The following CCNY variants were observed in gnomAD, a reference collection of about 807,000 sequenced individuals.
The protein encoded by CCNY is cyclin Y, also known as cyclin-Y.
In CCNY, 19 loss-of-function variants were observed where a neutral mutation model predicts 42.8. The ratio of observed to expected loss-of-function variants is 0.44; its 90% confidence interval spans 0.31 to 0.65. The LOEUF (loss-of-function observed/expected upper bound fraction) is 0.65, where lower values mean the gene tolerates loss of function less well. CCNY is among the 30% of genes least tolerant of loss of function. The pLI, the probability that CCNY is intolerant of heterozygous loss-of-function variation, is 0.07. For missense variants in CCNY, 370 were observed against 437.3 expected, an observed-to-expected ratio of 0.85 and a Z score of 1.37; for synonymous variants, 165 against 162.7, an observed-to-expected ratio of 1.01 and a Z score of -0.11.
intron 1 of CCNY, among the ~76,000 whole-genome samples, chr10:35,393,285 C>A (rs1837454013): frequency 6.6e-6 from 1 of 152,162 alleles, no homozygotes; most frequent in Admixed American, 6.5e-5. Context: ...ATGAGGCAAT[C>A]AAATAACAGT....
intron 3 of CCNY, among the ~76,000 whole-genome samples, chr10:35,321,312 C>T (rs1835819401): frequency 6.6e-6 from 1 of 152,214 alleles, no homozygotes; most frequent in Non-Finnish European, 1.5e-5. Flanking sequence ...CTATGAACTA[C>T]AAGACTAAAT....
At chr10:35,516,456 G>A (rs930133506) in intron 3 of CCNY, 67 bp from the exon 4 acceptor site, 5 of 1,033,392 alleles carry the variant, frequency 4.8e-6, no homozygotes, top group African/African-American at 1.6e-5. Flanking sequence ...TTAAGCGGGG[G>A]TGATGTTTCT....
rs879877771 is a variant in CCNY, at chr10:35,320,954, C to CA, written c.-9+70341dup. On this transcript the variant is annotated intron_variant, in intron 3 of 11. Transcript: ENST00000374706. ...TCCAGCCCGGGCAACACAGCAAGAC[C>CA]AAAAAAAAAAAAATTAGCTGGGTGT... 1,181 of 140,348 alleles carry CA rather than the reference C, an allele frequency of 8.4e-3. 15 individuals are homozygous for CA. Among genetic ancestry groups the CA allele is most frequent in the African/African-American group, 0.025 (976 of 38,478 alleles). The allele number at this position is 140,348 out of a possible 1,614,324, so 8.7% of individuals were successfully genotyped here. A position where few individuals can be genotyped will look rare whatever the true frequency, so the allele number is the denominator to read the frequency against.
chr10:35,341,087 A>C (rs1255420645), intron 1 of CCNY, among the ~76,000 whole-genome samples: 1 of 152,180 alleles, frequency 6.6e-6, no homozygotes, highest in African/African-American at 2.4e-5. Flanking sequence ...CCTTCACTCA[A>C]AAACGGCAGT....
At chr10:35,498,883 A>G (rs2135387854) in intron 2 of CCNY, among the ~76,000 whole-genome samples, 1 of 152,322 alleles carries the variant, frequency 6.6e-6, no homozygotes, top group Admixed American at 6.5e-5. Context: ...GAAATAGGGT[A>G]GTGTGTAGGT....
intron 1 of CCNY, among the ~76,000 whole-genome samples, chr10:35,344,421 G>A (rs1235752316): frequency 1.3e-5 from 2 of 152,250 alleles, no homozygotes; most frequent in South Asian, 2.1e-4. Flanking sequence ...GCTGGGCGCC[G>A]TGGCTCATGC....
At chr10:35,270,448 T>A (rs1835149365) in intron 3 of CCNY, among the ~76,000 whole-genome samples, 1 of 152,212 alleles carries the variant, frequency 6.6e-6, no homozygotes, top group Admixed American at 6.5e-5. Context: ...TCCAGTGACA[T>A]CAGACTTGTC....
rs112872492 is a variant in CCNY, at chr10:35,525,222, A to G, written c.366-742A>G. On this transcript the variant is annotated intron_variant, in intron 4 of 9. Transcript: ENST00000374704. Reference sequence around the variant, plus strand: ...AAGTAGGATGGAAACCTGACTCCTTACACACATAATTTATAGAAAGCTATA... The same window carrying G: ...AAGTAGGATGGAAACCTGACTCCTTGCACACATAATTTATAGAAAGCTATA... 3.4e-3 allele frequency among the ~76,000 whole-genome samples: 513 copies of G among 152,310 alleles called. 4 individuals are homozygous for G. Among genetic ancestry groups the G allele is most frequent in the African/African-American group, 0.012 (483 of 41,566 alleles).
intron 3 of CCNY, among the ~76,000 whole-genome samples, chr10:35,503,217 CTCATG>C (rs1840146586): frequency 1.3e-5 from 2 of 152,178 alleles, no homozygotes; most frequent in Admixed American, 6.5e-5. Flanking sequence ...GCCATGCATT[CTCATG>C]CACAGTATCT....
intron 3 of CCNY, among the ~76,000 whole-genome samples, chr10:35,320,409 G>T (rs757789932): frequency 6.6e-6 from 1 of 152,002 alleles, no homozygotes; most frequent in Non-Finnish European, 1.5e-5. Context: ...AACAAAATTC[G>T]CCATCCATTC....
chr10:35,251,845 G>A (rs2095712277), intron 3 of CCNY, among the ~76,000 whole-genome samples: 1 of 152,044 alleles, frequency 6.6e-6, no homozygotes, highest in Admixed American at 6.6e-5. Flanking sequence ...TGTTTCGGCG[G>A]CCCAAACTGC....
intron 2 of CCNY, among the ~76,000 whole-genome samples, chr10:35,248,731 C>T (rs575609270): frequency 7.9e-5 from 12 of 151,892 alleles, no homozygotes; most frequent in East Asian, 1.9e-4. Context: ...CCCAGCACTT[C>T]GGGAGGCCAA....
chr10:35,528,570 C>T (rs566856735), intron 5 of CCNY, among the ~76,000 whole-genome samples: 10 of 152,172 alleles, frequency 6.6e-5, no homozygotes, highest in African/African-American at 2.4e-4. Context: ...GGCCTGGTGG[C>T]GCGTGCTTAT....
At chr10:35,293,915 C>T (rs749119529) in intron 3 of CCNY, among the ~76,000 whole-genome samples, 4 of 152,016 alleles carry the variant, frequency 2.6e-5, no homozygotes, top group South Asian at 2.1e-4. Context: ...CTCAGCCTCC[C>T]GAGTAGCTGA....
chr10:35,315,886 G>A (rs530020425), intron 3 of CCNY, among the ~76,000 whole-genome samples: 3 of 152,040 alleles, frequency 2.0e-5, no homozygotes, highest in Admixed American at 1.3e-4. Context: ...ATCTGTCTCC[G>A]TTACTCTTTT....
intron 1 of CCNY, among the ~76,000 whole-genome samples, chr10:35,423,475 C>CAA (rs1209447381): frequency 1.3e-3 from 126 of 100,138 alleles, no homozygotes; most frequent in African/African-American, 3.6e-3. Flanking sequence ...GACCCTGTCT[C>CAA]AAAAAAAAAA....
chr10:35,277,601 T>G (rs1835253658), intron 3 of CCNY, among the ~76,000 whole-genome samples: 1 of 152,244 alleles, frequency 6.6e-6, no homozygotes, highest in Non-Finnish European at 1.5e-5. Flanking sequence ...TGTCGCTGTT[T>G]CTTCTCTATG....
chr10:35,324,566 G>A (rs1470602661), intron 3 of CCNY, among the ~76,000 whole-genome samples: 1 of 152,174 alleles, frequency 6.6e-6, no homozygotes, highest in Non-Finnish European at 1.5e-5. Context: ...AAAAGAGTTT[G>A]TAAGCACGGA....
intron 3 of CCNY, among the ~76,000 whole-genome samples, chr10:35,268,249 C>T (rs2095727633): frequency 6.6e-6 from 1 of 152,090 alleles, no homozygotes; most frequent in African/African-American, 2.4e-5. Context: ...TGCGGTGGCT[C>T]ACACCTATAA....
Sources: gnomAD v4.1 joint callset for allele counts (sites outside exome capture counted in the v4.1 genomes callset) on GRCh38, gnomAD v4.1.1 for gene constraint, MANE v1.5 for transcripts, NCBI Gene and HGNC (gene_info 2026-07-23, HGNC 2026-07-21) for gene names.